The following PNLIPRP3 variants were observed in gnomAD, a reference collection of about 807,000 sequenced individuals.
PNLIPRP3 encodes pancreatic lipase-related protein 3.
In PNLIPRP3, 58 loss-of-function variants were observed where a neutral mutation model predicts 52.8. That is an observed-to-expected ratio of 1.10 (90% CI 0.89 to 1.37). The LOEUF is 1.37. Among genes scored for constraint, PNLIPRP3 ranks in the 40% most tolerant of loss-of-function variants. PNLIPRP3 has a pLI of 0.00. For synonymous variants in PNLIPRP3, 192 were observed against 185.0 expected (o/e 1.04, Z -0.31); for missense variants, 593 against 561.6 (o/e 1.06, Z -0.57).
rs759551044 is a variant in PNLIPRP3 at position 116,443,045 on chromosome 10, C to G, written c.205-10C>G. On this transcript the variant is annotated splice_polypyrimidine_tract_variant and intron_variant, in intron 2 of 11. Transcript: ENST00000369230. ...ATTATTTTTCCTTAATCTCTTTCTG[C>G]TTGAAACAGGAGATCAGTGCGGTTA... is the stretch of plus-strand genomic sequence containing the variant. 3.2e-6 allele frequency: 5 copies of G among 1,557,480 alleles called. No individual in the cohort carries two copies. Among genetic ancestry groups the G allele is most frequent in the Non-Finnish European group, 2.6e-6 (3 of 1,146,444 alleles).
At chr10:116,459,525 C>T (rs1037547152) in intron 5 of PNLIPRP3, among the ~76,000 whole-genome samples, 2 of 152,130 alleles carry the variant, frequency 1.3e-5, no homozygotes, top group African/African-American at 4.8e-5. Flanking sequence ...CATTGATGAC[C>T]ACATCATGTC....
intron 5 of PNLIPRP3, among the ~76,000 whole-genome samples, chr10:116,457,471 C>T (rs995832279): frequency 2.0e-5 from 3 of 152,102 alleles, no homozygotes; most frequent in Admixed American, 6.5e-5. Context: ...ATTATTTTGT[C>T]TCTGCAATCT....
At chr10:116,436,614 A>T in intron 1 of PNLIPRP3, 97 bp from the exon 2 acceptor site, 1 of 1,271,376 alleles carries the variant, frequency 7.9e-7, no homozygotes, top group Non-Finnish European at 1.1e-6. Flanking sequence ...TAAGGGGTTA[A>T]TTTCCAAAAT....
Position 116,477,397 on chromosome 10 carries a change from T to C in PNLIPRP3, c.*244T>C, listed in dbSNP as rs1229818740. The C allele has an allele frequency of 2.6e-5, 8 of 310,084 alleles. No homozygotes were observed. The Admixed American group carries it at 3.4e-4, about 13-fold the overall frequency. The allele number at this position is 310,084 out of a possible 1,614,324, so 19.2% of individuals were successfully genotyped here. A position where few individuals can be genotyped will look rare whatever the true frequency, so the allele number is the denominator to read the frequency against. On this transcript the variant is annotated 3_prime_UTR_variant, in exon 12 of 12. Transcript: ENST00000369230. ...ATGATCTGTAGGAATCTGGATATCATTGACAAAATAGAGCTGTTTTGGAAT... is the reference window on the plus strand; with the variant it reads ...ATGATCTGTAGGAATCTGGATATCACTGACAAAATAGAGCTGTTTTGGAAT...
Position 116,461,937 on chromosome 10 carries a change from T to C in PNLIPRP3, c.808+647T>C, listed in dbSNP as rs1025067324. Among the ~76,000 whole-genome samples the C allele has an allele frequency of 7.2e-5, 11 of 152,176 alleles. No homozygotes were observed. In the East Asian group the frequency reaches 2.1e-3, roughly 30 times the overall value. ...GTTCACGACAGTGAGGAGCCTGTTG[T>C]GGCTGAAACTAGGTAAAAGGAAAGA... On this transcript the variant is annotated intron_variant, in intron 7 of 11. Coordinates refer to ENST00000369230, the MANE Select transcript of PNLIPRP3 (RefSeq NM_001011709.3).
intron 4 of PNLIPRP3, among the ~76,000 whole-genome samples, chr10:116,448,552 A>T (rs1049245408): frequency 1.3e-5 from 2 of 152,172 alleles, no homozygotes; most frequent in Non-Finnish European, 2.9e-5. Flanking sequence ...CAATTTTTTT[A>T]AATGGTAATA....
intron 3 of PNLIPRP3, among the ~76,000 whole-genome samples, chr10:116,443,761 G>A (rs113052424): frequency 0.032 from 2,574 of 81,684 alleles, 114 homozygotes; most frequent in African/African-American, 0.082. Flanking sequence ...GTGTGTGTGT[G>A]TGTATGTGTG....
intron 1 of PNLIPRP3, among the ~76,000 whole-genome samples, chr10:116,436,241 A>G (rs77087874): frequency 0.13 from 19,155 of 148,418 alleles, 1,471 homozygotes; most frequent in East Asian, 0.26. Context: ...AGAATATAAC[A>G]ATGAGGAAAT....
At chr10:116,466,017 T>C (rs368441961) in intron 7 of PNLIPRP3, 33 bp from the exon 8 acceptor site, 28 of 1,431,394 alleles carry the variant, frequency 2.0e-5, no homozygotes, top group Non-Finnish European at 2.8e-5. Flanking sequence ...TATCAGTTAA[T>C]TGCTATCAGT....
intron 8 of PNLIPRP3, among the ~76,000 whole-genome samples, chr10:116,468,258 T>C (rs956038427): frequency 6.6e-6 from 1 of 152,044 alleles, no homozygotes; most frequent in African/African-American, 2.4e-5. Context: ...TACATGCATT[T>C]CCTTCTTTAT....
At chr10:116,444,343 C>T (rs778198530) in intron 3 of PNLIPRP3, 39 bp from the exon 4 acceptor site, 7 of 1,516,260 alleles carry the variant, frequency 4.6e-6, no homozygotes, top group Non-Finnish European at 6.2e-6. Context: ...TTTCCTTGAA[C>T]ACTTATTTAT....
At chr10:116,474,711 AC>A (rs1846432229) in intron 10 of PNLIPRP3, among the ~76,000 whole-genome samples, 1 of 152,174 alleles carries the variant, frequency 6.6e-6, no homozygotes, top group South Asian at 2.1e-4. Context: ...GCTCAACATC[AC>A]TGATCATTAG....
intron 2 of PNLIPRP3, among the ~76,000 whole-genome samples, chr10:116,441,164 G>A (rs1845852805): frequency 6.6e-6 from 1 of 152,154 alleles, no homozygotes; most frequent in Admixed American, 6.5e-5. Context: ...TTGTGCCAGA[G>A]TGAATGTGAA....
intron 1 of PNLIPRP3, among the ~76,000 whole-genome samples, chr10:116,433,146 A>AAAAAAAC (rs1845730843): frequency 7.0e-6 from 1 of 143,490 alleles, no homozygotes; most frequent in Admixed American, 7.2e-5. Context: ...AAAAAAAAAA[A>AAAAAAAC]GTCTTGGAGT....
At chr10:116,438,064 AATG>A (rs1845802988) in intron 2 of PNLIPRP3, among the ~76,000 whole-genome samples, 1 of 152,196 alleles carries the variant, frequency 6.6e-6, no homozygotes, top group Non-Finnish European at 1.5e-5. Context: ...TGATTGGGAA[AATG>A]ATAACCCTCT....
intron 1 of PNLIPRP3, among the ~76,000 whole-genome samples, chr10:116,429,213 T>A (rs1354954979): frequency 6.6e-6 from 1 of 152,186 alleles, no homozygotes; most frequent in Non-Finnish European, 1.5e-5. Flanking sequence ...AAATACTGTA[T>A]AAAATTACCT....
chr10:116,446,896 G>A (rs932313364), intron 4 of PNLIPRP3, among the ~76,000 whole-genome samples: 17 of 152,110 alleles, frequency 1.1e-4, no homozygotes, highest in African/African-American at 3.9e-4. Context: ...AAAGTGGGAC[G>A]TCATATCCAA....
chr10:116,438,929 A>T (rs1179551549), intron 2 of PNLIPRP3, among the ~76,000 whole-genome samples: 1 of 152,224 alleles, frequency 6.6e-6, no homozygotes, highest in African/African-American at 2.4e-5. Flanking sequence ...AAATGCCAAT[A>T]CATAATATAA....
At chr10:116,443,311 C>T in intron 3 of PNLIPRP3, 137 bp downstream of exon 3, 1 of 916,238 alleles carries the variant, frequency 1.1e-6, no homozygotes, top group Non-Finnish European at 1.5e-6. Context: ...TCTGGGGCCT[C>T]AAATTAGTTA....
Sources: gnomAD v4.1 joint callset for allele counts (sites outside exome capture counted in the v4.1 genomes callset) on GRCh38, gnomAD v4.1.1 for gene constraint, MANE v1.5 for transcripts, NCBI Gene and HGNC (gene_info 2026-07-23, HGNC 2026-07-21) for gene names.